Variants in EPC2 observed in about 807,000 individuals in gnomAD.
EPC2 encodes enhancer of polycomb 2.
EPC2 carries 14 observed loss-of-function variants against 92.1 expected under a neutral mutation model. That is an observed-to-expected ratio of 0.15 (90% CI 0.10 to 0.24). The LOEUF is 0.24. EPC2 is among the 10% of genes least tolerant of loss of function. The probability of loss-of-function intolerance (pLI) is 1.00; values close to 1 mark genes in which losing one functional copy is unlikely to be tolerated. For missense variants in EPC2, 755 were observed against 971.5 expected (o/e 0.78, Z 2.96); for synonymous variants, 340 against 334.7 (o/e 1.02, Z -0.17).
chr2:148,783,578 A>G lies in EPC2; in HGVS notation c.1858-19A>G. On this transcript the variant is annotated intron_variant, in intron 11 of 13. Transcript: ENST00000258484. ...ATCACATCTAAAAATTAGAGTGTTT[A>G]ACTTTGTTCATTTTATAGGGCTCAA... The G allele has an allele frequency of 4.4e-6, 7 of 1,588,854 alleles. No individual in the cohort carries two copies. Among genetic ancestry groups the G allele is most frequent in the Non-Finnish European group, 6.0e-6 (7 of 1,165,780 alleles).
At chr2:148,664,358 G>A (rs1681016006) in intron 1 of EPC2, among the ~76,000 whole-genome samples, 1 of 152,100 alleles carries the variant, frequency 6.6e-6, no homozygotes, top group Admixed American at 6.6e-5. Flanking sequence ...AATTAGCCAG[G>A]CAGGGTGCTG....
chr2:148,677,713 C>G (rs926140361), intron 1 of EPC2, among the ~76,000 whole-genome samples: 1 of 151,966 alleles, frequency 6.6e-6, no homozygotes, highest in Non-Finnish European at 1.5e-5. Flanking sequence ...CAGATGTGTT[C>G]GGAGTTTCTT....
chr2:148,731,781 T>C (rs1682637105), intron 2 of EPC2, among the ~76,000 whole-genome samples: 1 of 152,236 alleles, frequency 6.6e-6, no homozygotes, highest in Non-Finnish European at 1.5e-5. Context: ...AACACCACCA[T>C]TGATAATTCA....
At chr2:148,752,009 A>C (rs1472888196) in intron 3 of EPC2, among the ~76,000 whole-genome samples, 4 of 152,184 alleles carry the variant, frequency 2.6e-5, no homozygotes, top group Non-Finnish European at 5.9e-5. Flanking sequence ...ACACGGCAAT[A>C]CACATTGTAA....
At chr2:148,683,129 T>A (rs1240949857) in intron 1 of EPC2, among the ~76,000 whole-genome samples, 1 of 152,110 alleles carries the variant, frequency 6.6e-6, no homozygotes, top group East Asian at 1.9e-4. Context: ...GGTGTTTGCT[T>A]GCTTGGAAAA....
Position 148,663,203 on chromosome 2 carries a change from T to G in EPC2, c.153+18033T>G, listed in dbSNP as rs1456118206. On this transcript the variant is annotated intron_variant, in intron 1 of 13. Coordinates refer to ENST00000258484, the MANE Select transcript of EPC2 (RefSeq NM_015630.4). ...TATCTACTGTGTTTTTGTATTATTATTATTATTATTATTATTATTATTATT... is the reference window on the plus strand; with the variant it reads ...TATCTACTGTGTTTTTGTATTATTAGTATTATTATTATTATTATTATTATT... Among the ~76,000 whole-genome samples, 6 of 141,454 alleles carry G rather than the reference T, an allele frequency of 4.2e-5. No homozygotes were observed. The East Asian group carries it at 1.2e-3, about 29-fold the overall frequency. The allele number at this position is 141,454 out of a possible 152,430, so 92.8% of individuals were successfully genotyped here. A position where few individuals can be genotyped will look rare whatever the true frequency, so the allele number is the denominator to read the frequency against.
At position 148,648,822 on chromosome 2, in the gene EPC2, T is replaced by G. The variant is rs115653262; in HGVS notation, c.153+3652T>G. Among the ~76,000 whole-genome samples, 1,090 of 152,338 alleles carry G rather than the reference T, an allele frequency of 7.2e-3. 6 individuals carry two copies. Among genetic ancestry groups the G allele is most frequent in the African/African-American group, 0.025 (1,024 of 41,570 alleles). Reference sequence around the variant, plus strand: ...AGGTGTTCTTGGGCATTGGTAACATTGTATCATTGATAATCATGTCATCCT... The same window carrying G: ...AGGTGTTCTTGGGCATTGGTAACATGGTATCATTGATAATCATGTCATCCT... On this transcript the variant is annotated intron_variant, in intron 1 of 13. Transcript: ENST00000258484.
rs34757512 is a variant in EPC2, at chr2:148,705,297, T to TA, written c.313+14934dup. ...ATTTACTACTGCACAGTTATCATTT[T>TA]AAAAAAAAAACTCTTACTTTCCCTA... On this transcript the variant is annotated intron_variant, in intron 2 of 13. Transcript: ENST00000258484. Among the ~76,000 whole-genome samples, 122 of 150,186 alleles carry TA rather than the reference T, an allele frequency of 8.1e-4. 2 individuals are homozygous for TA. The South Asian group carries it at 0.016, about 20-fold the overall frequency.
intron 1 of EPC2, among the ~76,000 whole-genome samples, chr2:148,673,471 T>C (rs950484066): frequency 6.6e-6 from 1 of 152,220 alleles, no homozygotes; most frequent in African/African-American, 2.4e-5. Context: ...CTGTTGAACC[T>C]CTCTAGTAAT....
chr2:148,725,526 A>C (rs1167411841), intron 2 of EPC2, among the ~76,000 whole-genome samples: 1 of 152,148 alleles, frequency 6.6e-6, no homozygotes, highest in African/African-American at 2.4e-5. Context: ...CATTGTTATC[A>C]AAATCAGTCA....
chr2:148,695,806 T>G (rs1156642596), intron 2 of EPC2, among the ~76,000 whole-genome samples: 1 of 152,224 alleles, frequency 6.6e-6, no homozygotes, highest in Non-Finnish European at 1.5e-5. Flanking sequence ...TGGACATAAA[T>G]TCTGTGAAAG....
chr2:148,709,169 G>T (rs1432655767), intron 2 of EPC2, among the ~76,000 whole-genome samples: 2 of 152,110 alleles, frequency 1.3e-5, no homozygotes, highest in Non-Finnish European at 2.9e-5. Context: ...AAATCAGTAT[G>T]CAAAAATCAC....
intron 2 of EPC2, among the ~76,000 whole-genome samples, chr2:148,742,135 A>T (rs896564664): frequency 6.6e-6 from 1 of 152,018 alleles, no homozygotes; most frequent in Admixed American, 6.5e-5. Flanking sequence ...TCCTACACAC[A>T]TTGTTTGTTT....
At chr2:148,744,989 G>GGCCCCC (rs1682952853) in intron 3 of EPC2, among the ~76,000 whole-genome samples, 3 of 46,356 alleles carry the variant, frequency 6.5e-5, no homozygotes, top group Non-Finnish European at 4.9e-5. Context: ...CTATCAGTTT[G>GGCCCCC]CCCCCCCCCC....
At chr2:148,702,880 A>G (rs550154628) in intron 2 of EPC2, among the ~76,000 whole-genome samples, 43 of 151,442 alleles carry the variant, frequency 2.8e-4, no homozygotes, top group Non-Finnish European at 5.9e-4. Flanking sequence ...AGTGTATTTT[A>G]TTGGTGGCCC....
rs375670137 is a variant in EPC2, at chr2:148,784,962, C to G, written c.2312C>G (p.Pro771Arg). Residue 771 changes from proline to arginine, a missense_variant, in exon 13 of 14, where the codon CCA (proline) becomes CGA (arginine). Pro to Arg is a moderately radical substitution (Grantham distance 103). Coordinates refer to ENST00000258484, the MANE Select transcript of EPC2 (RefSeq NM_015630.4). ...ATVAASMDRV[P>R]KVTPSSAISS... is the part of the protein sequence containing the mutation. ...GTTGCTGCCAGTATGGACAGAGTGCCAAAGGTTACTCCCAGCAGTGCCATC... is the reference window on the plus strand; with the variant it reads ...GTTGCTGCCAGTATGGACAGAGTGCGAAAGGTTACTCCCAGCAGTGCCATC... 6.5e-7 allele frequency: 1 copy of G among 1,544,054 alleles called. No homozygotes were observed. The highest frequency in any genetic ancestry group is 8.7e-7 in the Non-Finnish European group (1 of 1,143,840).
At chr2:148,783,127 A>C (rs1683787930) in intron 11 of EPC2, among the ~76,000 whole-genome samples, 1 of 152,206 alleles carries the variant, frequency 6.6e-6, no homozygotes, top group South Asian at 2.1e-4. Context: ...CCAGTTTTAT[A>C]CAGAATCAAG....
chr2:148,645,281 G>C, intron 1 of EPC2, 111 bp downstream of exon 1: 5 of 984,558 alleles, frequency 5.1e-6, no homozygotes, highest in Non-Finnish European at 7.4e-6. Context: ...CGCCGCTGCC[G>C]CTCTAACGCA....
chr2:148,785,137 T>C, intron 13 of EPC2, 136 bp downstream of exon 13: 1 of 697,732 alleles, frequency 1.4e-6, no homozygotes, highest in Non-Finnish European at 2.2e-6. Flanking sequence ...TGAAGATCTG[T>C]ATAAAGCTCT....
Sources: allele counts gnomAD v4.1 joint callset (sites outside exome capture counted in the v4.1 genomes callset), GRCh38; gene constraint gnomAD v4.1.1; transcripts MANE v1.5; gene names NCBI Gene and HGNC (gene_info 2026-07-23, HGNC 2026-07-21).